UNC13C: variants seen among roughly 807,000 people sequenced by gnomAD.
UNC13C encodes the protein unc-13 homolog C.
Under a neutral mutation model 245.4 loss-of-function variants are expected in UNC13C, and 174 were observed. The observed-to-expected ratio is 0.71, with a 90% CI of 0.63 to 0.80. The LOEUF (loss-of-function observed/expected upper bound fraction) is 0.80, where lower values mean the gene tolerates loss of function less well. UNC13C is among the 30% of genes least tolerant of loss of function. The pLI, the probability that UNC13C is intolerant of heterozygous loss-of-function variation, is 0.00. For missense variants in UNC13C, 2,829 were observed against 2,602.9 expected (o/e 1.09, Z -1.89); for synonymous variants, 992 against 895.1 (o/e 1.11, Z -1.93).
At chr15:53,978,282 G>A (rs1446838174), upstream of UNC13C, among the ~76,000 whole-genome samples, 1 of 152,186 alleles carries the variant, frequency 6.6e-6, no homozygotes, top group Non-Finnish European at 1.5e-5. Flanking sequence ...TTGTCAGTGC[G>A]GTGGTGAAGG....
chr15:54,237,586 T>C (rs2035736170), intron 6 of UNC13C, 33 bp from the exon 7 acceptor site: 2 of 1,551,812 alleles, frequency 1.3e-6, no homozygotes, highest in Admixed American at 1.7e-5. Context: ...AACCTCCCTA[T>C]GTATTAATAA....
chr15:53,975,572 C>G (rs1412087026), upstream of UNC13C, among the ~76,000 whole-genome samples: 1 of 152,180 alleles, frequency 6.6e-6, no homozygotes, highest in Non-Finnish European at 1.5e-5. Flanking sequence ...TTCAAGGATT[C>G]CTCTATTGCT....
chr15:54,018,351 G>A (rs1895752682), intron 2 of UNC13C, among the ~76,000 whole-genome samples: 1 of 152,190 alleles, frequency 6.6e-6, no homozygotes, highest in South Asian at 2.1e-4. Context: ...CTGTCAAACT[G>A]TGGGATGCTG....
At chr15:54,161,124 G>A (rs2032955845) in intron 4 of UNC13C, among the ~76,000 whole-genome samples, 1 of 151,978 alleles carries the variant, frequency 6.6e-6, no homozygotes, top group African/African-American at 2.4e-5. Flanking sequence ...TTAGAAATAG[G>A]ATCTTGCTCT....
chr15:54,102,360 G>A (rs907379211), intron 2 of UNC13C, among the ~76,000 whole-genome samples: 28 of 152,042 alleles, frequency 1.8e-4, no homozygotes, highest in Non-Finnish European at 2.9e-4. Flanking sequence ...GATGTCAAAG[G>A]GTGTTCAGAA....
intron 4 of UNC13C, among the ~76,000 whole-genome samples, chr15:54,208,522 G>A (rs2034784606): frequency 1.3e-5 from 2 of 152,046 alleles, no homozygotes; most frequent in African/African-American, 4.8e-5. Flanking sequence ...CAAGGCATTT[G>A]GTAATAAAGG....
intron 30 of UNC13C, among the ~76,000 whole-genome samples, chr15:54,572,369 G>A (rs1254214708): frequency 1.3e-5 from 2 of 150,306 alleles, no homozygotes; most frequent in Non-Finnish European, 2.9e-5. Flanking sequence ...CAAATAATAA[G>A]CATAATCATT....
chr15:54,420,393 T>C (rs1051530464), intron 19 of UNC13C, among the ~76,000 whole-genome samples: 8 of 151,720 alleles, frequency 5.3e-5, no homozygotes, highest in African/African-American at 1.9e-4. Context: ...AAGTGGGCAA[T>C]GCAAGAGAAA....
chr15:54,561,673 T>C (rs1897302975), intron 29 of UNC13C, among the ~76,000 whole-genome samples: 1 of 151,984 alleles, frequency 6.6e-6, no homozygotes, highest in South Asian at 2.1e-4. Flanking sequence ...AGAGGTCCTT[T>C]TGTGCCCTCA....
At chr15:54,550,491 C>A (rs1896688199) in intron 28 of UNC13C, among the ~76,000 whole-genome samples, 1 of 152,084 alleles carries the variant, frequency 6.6e-6, no homozygotes, top group African/African-American at 2.4e-5. Flanking sequence ...GCTGGTAGCT[C>A]AAAGTTAGGT....
At chr15:53,950,153 A>G in the UNC13C span, among the ~76,000 whole-genome samples, 1 of 152,164 alleles carries the variant, frequency 6.6e-6, no homozygotes, top group Non-Finnish European at 1.5e-5. Context: ...TGCAACTTCT[A>G]AAACTTAAAA....
the UNC13C span, among the ~76,000 whole-genome samples, chr15:53,970,108 T>C: frequency 6.6e-6 from 1 of 151,634 alleles, no homozygotes. Context: ...TGGAGTTCAG[T>C]GGTGTGATCT....
chr15:53,879,090 A>C, the UNC13C span, among the ~76,000 whole-genome samples: 1 of 152,190 alleles, frequency 6.6e-6, no homozygotes, highest in East Asian at 1.9e-4. Flanking sequence ...TACATAAAAA[A>C]ATTACTTTTT....
intron 13 of UNC13C, chr15:54,321,426 TC>T: frequency 2.0e-6 from 1 of 495,230 alleles, no homozygotes. Flanking sequence ...TCTCTTTGTT[TC>T]CACAACTCTT....
intron 23 of UNC13C, among the ~76,000 whole-genome samples, chr15:54,510,384 G>GA (rs1274439770): frequency 2.0e-5 from 3 of 152,114 alleles, no homozygotes; most frequent in Non-Finnish European, 4.4e-5. Context: ...TGAATCCTCT[G>GA]AAAATGTGGC....
intron 2 of UNC13C, among the ~76,000 whole-genome samples, chr15:54,066,179 T>C (rs971385494): frequency 1.3e-5 from 2 of 152,216 alleles, no homozygotes; most frequent in African/African-American, 2.4e-5. Flanking sequence ...ATAAAAGATA[T>C]GCATGGATCA....
chr15:54,463,173 C>G lies in UNC13C; in HGVS notation c.4934-31435C>G, dbSNP rs182028422. 2.4e-4 allele frequency among the ~76,000 whole-genome samples: 36 copies of G among 148,424 alleles called. 1 individual carries two copies. Among genetic ancestry groups the G allele is most frequent in the Admixed American group, 2.3e-3 (34 of 14,636 alleles). Reference sequence around the variant, plus strand: ...GTCTAGCTCAAGGTTTGTAAACACACCAGTCAGCACCCTGTCAAAATGGGC... The same window carrying G: ...GTCTAGCTCAAGGTTTGTAAACACAGCAGTCAGCACCCTGTCAAAATGGGC... On this transcript the variant is annotated intron_variant, in intron 19 of 32. Transcript: ENST00000260323.
intron 17 of UNC13C, among the ~76,000 whole-genome samples, chr15:54,348,238 C>T (rs1250634728): frequency 6.6e-6 from 1 of 152,100 alleles, no homozygotes; most frequent in Non-Finnish European, 1.5e-5. Flanking sequence ...TCGGTATGGT[C>T]TCTTAAAGGA....
rs183256929 is a variant in UNC13C, at chr15:54,355,994, A to C, written c.4713+17505A>C. Among the ~76,000 whole-genome samples, 221 of 152,276 alleles carry C rather than the reference A, an allele frequency of 1.5e-3. 1 individual carries two copies. Among genetic ancestry groups the C allele is most frequent in the African/African-American group, 4.8e-3 (198 of 41,562 alleles). ...ACACAAATAGTAGCATATTATACAT[A>C]CTCTACTGCTCTGTGCTTCATTTAA... On this transcript the variant is annotated intron_variant, in intron 17 of 32. Transcript: ENST00000260323.
Sources: gnomAD v4.1 joint callset for allele counts (sites outside exome capture counted in the v4.1 genomes callset) on GRCh38, gnomAD v4.1.1 for gene constraint, MANE v1.5 for transcripts, NCBI Gene and HGNC (gene_info 2026-07-23, HGNC 2026-07-21) for gene names.